GRIN2B: variants seen among roughly 807,000 people sequenced by gnomAD.
GRIN2B encodes the protein glutamate receptor ionotropic, NMDA 2B.
A neutral mutation model predicts 114.5 loss-of-function variants in GRIN2B; 5 were observed. The ratio of observed to expected loss-of-function variants is 0.04; its 90% confidence interval spans 0.02 to 0.09. The LOEUF is 0.09. Ranked by LOEUF, GRIN2B falls within the 10% of genes least tolerant of loss-of-function variation. The pLI is 1.00. For synonymous variants in GRIN2B, 787 were observed against 745.1 expected (o/e 1.06, Z -0.92); for missense variants, 1,108 against 1,943.5 (o/e 0.57, Z 8.08).
At chr12:13,830,386 T>G (rs1287707936) in intron 3 of GRIN2B, among the ~76,000 whole-genome samples, 5 of 152,222 alleles carry the variant, frequency 3.3e-5, no homozygotes, top group Non-Finnish European at 7.3e-5. Flanking sequence ...AACACATGAC[T>G]TCTAGATTTA....
chr12:13,948,239 G>A (rs1407388720), intron 2 of GRIN2B, among the ~76,000 whole-genome samples: 1 of 152,126 alleles, frequency 6.6e-6, no homozygotes, highest in Non-Finnish European at 1.5e-5. Context: ...GTCTCTGCCA[G>A]GGGGGATCCT....
intron 10 of GRIN2B, among the ~76,000 whole-genome samples, chr12:13,605,399 T>G (rs746280861): frequency 3.3e-5 from 5 of 151,452 alleles, no homozygotes; most frequent in African/African-American, 4.9e-5. Flanking sequence ...TAGATAGAGG[T>G]ATGGTTGAAA....
chr12:13,608,144 G>A (rs534050970), intron 10 of GRIN2B, among the ~76,000 whole-genome samples: 16 of 152,292 alleles, frequency 1.1e-4, no homozygotes, highest in Non-Finnish European at 1.9e-4. Flanking sequence ...GCTTCTTCCT[G>A]CTCAGCCCCA....
intron 2 of GRIN2B, among the ~76,000 whole-genome samples, chr12:13,898,483 G>C: frequency 6.6e-6 from 1 of 152,226 alleles, no homozygotes; most frequent in East Asian, 1.9e-4. Context: ...ACTTCTCTTA[G>C]TTGACATTGT....
chr12:13,735,967 T>G (rs1013243946), intron 4 of GRIN2B, among the ~76,000 whole-genome samples: 1 of 151,888 alleles, frequency 6.6e-6, no homozygotes, highest in African/African-American at 2.4e-5. Context: ...AGACATAGCA[T>G]GTGTGTCCTT....
intron 5 of GRIN2B, among the ~76,000 whole-genome samples, chr12:13,630,232 A>G (rs1241767204): frequency 2.6e-5 from 4 of 152,228 alleles, no homozygotes; most frequent in Non-Finnish European, 4.4e-5. Context: ...ATACTAGCTA[A>G]TATTTATTGA....
chr12:13,875,622 A>G (rs547477448), intron 2 of GRIN2B, among the ~76,000 whole-genome samples: 1 of 152,328 alleles, frequency 6.6e-6, no homozygotes, highest in East Asian at 1.9e-4. Context: ...TGTAGCCCAG[A>G]CATATTCCAA....
At chr12:13,610,939 G>A (rs1949358768) in intron 9 of GRIN2B, among the ~76,000 whole-genome samples, 1 of 152,160 alleles carries the variant, frequency 6.6e-6, no homozygotes, top group Admixed American at 6.5e-5. Context: ...TTCTAGGATA[G>A]AGCTCACATT....
chr12:13,775,137 C>T (rs987351600), intron 3 of GRIN2B, among the ~76,000 whole-genome samples: 1 of 152,136 alleles, frequency 6.6e-6, no homozygotes, highest in Admixed American at 6.6e-5. Context: ...TAGGCTGTCC[C>T]TTCGGCAGAT....
chr12:13,856,369 C>CA (rs1865661398), intron 3 of GRIN2B, among the ~76,000 whole-genome samples: 1 of 151,826 alleles, frequency 6.6e-6, no homozygotes, highest in Non-Finnish European at 1.5e-5. Flanking sequence ...CGGTTTTAAG[C>CA]AAAAAAGTAA....
chr12:13,936,538 C>A (rs1280671209), intron 2 of GRIN2B, among the ~76,000 whole-genome samples: 2 of 152,054 alleles, frequency 1.3e-5, no homozygotes, highest in Non-Finnish European at 1.5e-5. Context: ...TAAAACCAAG[C>A]CTGCAAAAGT....
chr12:13,810,148 AC>A (rs1015108932), intron 3 of GRIN2B, among the ~76,000 whole-genome samples: 1 of 138,478 alleles, frequency 7.2e-6, no homozygotes, highest in African/African-American at 2.7e-5. Flanking sequence ...CCCCCTCCCC[AC>A]CAACCTCCAA....
intron 10 of GRIN2B, among the ~76,000 whole-genome samples, chr12:13,604,117 C>T (rs895212063): frequency 1.3e-5 from 2 of 152,128 alleles, no homozygotes; most frequent in African/African-American, 4.8e-5. Flanking sequence ...GCATTGTGGG[C>T]TCTTTGTTAA....
At chr12:13,810,243 G>T (rs1443636068) in intron 3 of GRIN2B, among the ~76,000 whole-genome samples, 1 of 150,624 alleles carries the variant, frequency 6.6e-6, no homozygotes, top group Non-Finnish European at 1.5e-5. Flanking sequence ...CGAGACAGAG[G>T]CTTGCTCTGT....
intron 3 of GRIN2B, among the ~76,000 whole-genome samples, chr12:13,853,515 G>C (rs1272317225): frequency 6.6e-6 from 1 of 152,088 alleles, no homozygotes; most frequent in Non-Finnish European, 1.5e-5. Context: ...ATAAAGTCAG[G>C]GCTATCACTG....
rs534393801 is a variant in GRIN2B at position 13,840,628 on chromosome 12, TAATAA to T, written c.411+25165_411+25169del. Among the ~76,000 whole-genome samples the T allele has an allele frequency of 4.8e-3, 733 of 152,298 alleles. 3 individuals carry two copies. Among genetic ancestry groups the T allele is most frequent in the South Asian group, 0.013 (64 of 4,828 alleles). On this transcript the variant is annotated intron_variant, in intron 3 of 13. Coordinates refer to ENST00000609686, the MANE Select transcript of GRIN2B (RefSeq NM_000834.5). ...ATGCAATTAAATAATATAGCCACTGTAATAAAATAAAAAATAAAGCACACAGCAAA... is the reference window on the plus strand; with the variant it reads ...ATGCAATTAAATAATATAGCCACTGTAATAAAAAATAAAGCACACAGCAAA...
intron 4 of GRIN2B, among the ~76,000 whole-genome samples, chr12:13,742,102 T>C (rs1363455047): frequency 6.6e-6 from 1 of 152,220 alleles, no homozygotes; most frequent in Non-Finnish European, 1.5e-5. Flanking sequence ...TCGATATAAT[T>C]TAAGCTCTTA....
At chr12:13,611,168 G>A (rs577948153) in intron 9 of GRIN2B, among the ~76,000 whole-genome samples, 66 of 152,284 alleles carry the variant, frequency 4.3e-4, no homozygotes, top group African/African-American at 1.5e-3. Context: ...CTATGAGTGA[G>A]AATTGGTCTT....
intron 2 of GRIN2B, among the ~76,000 whole-genome samples, chr12:13,973,354 G>A (rs1862962760): frequency 6.6e-6 from 1 of 152,158 alleles, no homozygotes; most frequent in African/African-American, 2.4e-5. Flanking sequence ...CACAGAGGAT[G>A]GCGTGTAGAC....
Sources: allele counts gnomAD v4.1 joint callset (sites outside exome capture counted in the v4.1 genomes callset), GRCh38; gene constraint gnomAD v4.1.1; transcripts MANE v1.5; gene names NCBI Gene and HGNC (gene_info 2026-07-23, HGNC 2026-07-21).